The following GCNT2 variants were observed in gnomAD, a reference collection of about 807,000 sequenced individuals.
GCNT2 encodes glucosaminyl (N-acetyl) transferase 2 (I blood group).
Under a neutral mutation model 34.2 loss-of-function variants are expected in GCNT2, and 34 were observed. The observed-to-expected ratio is 1.00, with a 90% CI of 0.76 to 1.32. The LOEUF (loss-of-function observed/expected upper bound fraction) is 1.32. Ranked by LOEUF, GCNT2 falls within the 40% of genes most tolerant of loss-of-function variation. GCNT2 has a pLI of 0.00. For missense variants in GCNT2, 584 were observed against 489.4 expected, an observed-to-expected ratio of 1.19 and a Z score of -1.82; for synonymous variants, 212 against 188.0, an observed-to-expected ratio of 1.13 and a Z score of -1.04.
At chr6:10,563,266 AACTG>A (rs1763092153) in intron 3 of GCNT2, among the ~76,000 whole-genome samples, 2 of 152,244 alleles carry the variant, frequency 1.3e-5, no homozygotes. Context: ...GTACAATTTT[AACTG>A]ACCTAACCGT....
At chr6:10,569,974 CTCTT>C (rs1471226572) in intron 3 of GCNT2, among the ~76,000 whole-genome samples, 73 of 142,468 alleles carry the variant, frequency 5.1e-4, no homozygotes, top group South Asian at 2.0e-3. Context: ...CTTTCTTTCT[CTCTT>C]TCTTTCTTCC....
intron 3 of GCNT2, among the ~76,000 whole-genome samples, chr6:10,609,473 T>C (rs961772945): frequency 2.6e-5 from 4 of 152,222 alleles, no homozygotes; most frequent in Non-Finnish European, 5.9e-5. Context: ...TGGTCAGTTC[T>C]TAAGGTCCCA....
intron 3 of GCNT2, among the ~76,000 whole-genome samples, chr6:10,581,263 A>T (rs538396573): frequency 6.6e-6 from 1 of 152,098 alleles, no homozygotes; most frequent in East Asian, 1.9e-4. Flanking sequence ...GTATGTATTT[A>T]TTTATTTTTT....
At chr6:10,605,348 T>C (rs1765262535) in intron 3 of GCNT2, among the ~76,000 whole-genome samples, 1 of 149,042 alleles carries the variant, frequency 6.7e-6, no homozygotes. Context: ...CTCAAGTAGC[T>C]GGGACGCACA....
At chr6:10,533,173 G>A (rs1761580553) in intron 3 of GCNT2, among the ~76,000 whole-genome samples, 1 of 151,934 alleles carries the variant, frequency 6.6e-6, no homozygotes, top group African/African-American at 2.4e-5. Flanking sequence ...GGGTGTGGTG[G>A]CACGTGCCTG....
chr6:10,594,330 TA>T (rs1764760400), intron 3 of GCNT2, among the ~76,000 whole-genome samples: 2 of 152,144 alleles, frequency 1.3e-5, no homozygotes, highest in South Asian at 4.1e-4. Flanking sequence ...CCAGTAAAAA[TA>T]AAAACTAGTT....
At position 10,554,673 on chromosome 6, in the gene GCNT2, A is replaced by T. The variant is rs867761651; in HGVS notation, c.925+24837A>T. ...ATATTTAAAAGTATTATTCAGAAGA[A>T]GAAAAACTTAGGATTGAATTTTTCT... On this transcript the variant is annotated intron_variant, in intron 3 of 4. Transcript: ENST00000495262. 7.2e-5 allele frequency among the ~76,000 whole-genome samples: 11 copies of T among 152,368 alleles called. No individual in the cohort carries two copies. The Middle Eastern group carries it at 0.01, about 141-fold the overall frequency.
At chr6:10,573,627 T>C (rs1763652690) in intron 3 of GCNT2, among the ~76,000 whole-genome samples, 1 of 152,244 alleles carries the variant, frequency 6.6e-6, no homozygotes, top group Admixed American at 6.5e-5. Flanking sequence ...TTAGAAGCTT[T>C]CTCAGGGACC....
At chr6:10,617,086 G>A (rs1271048298) in intron 3 of GCNT2, among the ~76,000 whole-genome samples, 6 of 152,216 alleles carry the variant, frequency 3.9e-5, no homozygotes, top group African/African-American at 1.4e-4. Context: ...GCGGTCGATG[G>A]GACTGGGCAC....
chr6:10,537,544 T>C (rs111583897), intron 3 of GCNT2, among the ~76,000 whole-genome samples: 2,119 of 151,626 alleles, frequency 0.014, 45 homozygotes, highest in African/African-American at 0.048. Flanking sequence ...CTACTAAAAA[T>C]ACAAAAATTA....
intron 3 of GCNT2, among the ~76,000 whole-genome samples, chr6:10,569,235 C>CACACA (rs1554131675): frequency 2.1e-5 from 1 of 47,464 alleles, no homozygotes; most frequent in African/African-American, 5.6e-5. Flanking sequence ...ACTCCCCCCG[C>CACACA]CACACACACA....
At chr6:10,605,967 A>T (rs1016355935) in intron 3 of GCNT2, among the ~76,000 whole-genome samples, 2 of 152,130 alleles carry the variant, frequency 1.3e-5, no homozygotes, top group Non-Finnish European at 2.9e-5. Context: ...GGCTTGCCTC[A>T]GCTGCTTCAC....
At chr6:10,611,808 T>C (rs947261108) in intron 3 of GCNT2, among the ~76,000 whole-genome samples, 64 of 152,196 alleles carry the variant, frequency 4.2e-4, no homozygotes, top group African/African-American at 1.5e-3. Context: ...CAAATAAAGC[T>C]TAGATGTATA....
chr6:10,616,199 G>A (rs958375140), intron 3 of GCNT2, among the ~76,000 whole-genome samples: 1 of 152,156 alleles, frequency 6.6e-6, no homozygotes, highest in African/African-American at 2.4e-5. Flanking sequence ...ATCTTTCAAG[G>A]CGGTGCGTTT....
intron 3 of GCNT2, among the ~76,000 whole-genome samples, chr6:10,577,769 G>A (rs1273366345): frequency 6.6e-6 from 1 of 151,970 alleles, no homozygotes; most frequent in East Asian, 1.9e-4. Flanking sequence ...TTGAACTCCT[G>A]TCCTCTGGTG....
intron 1 of GCNT2, among the ~76,000 whole-genome samples, chr6:10,527,158 T>C (rs1037158485): frequency 6.6e-6 from 1 of 152,258 alleles, no homozygotes; most frequent in East Asian, 1.9e-4. Flanking sequence ...GTGCGGTGGC[T>C]CGCGCCTGTA....
intron 3 of GCNT2, among the ~76,000 whole-genome samples, chr6:10,547,454 A>C (rs904464077): frequency 6.6e-6 from 1 of 152,186 alleles, no homozygotes; most frequent in African/African-American, 2.4e-5. Context: ...TTGTCTTCCA[A>C]GATCTCATTT....
chr6:10,600,956 A>AATTTTTTGT (rs1765065387), intron 3 of GCNT2, among the ~76,000 whole-genome samples: 1 of 151,840 alleles, frequency 6.6e-6, no homozygotes, highest in Admixed American at 6.6e-5. Context: ...ACACCCAGCA[A>AATTTTTTGT]ATTTTTTGTA....
Position 10,608,227 on chromosome 6 carries a change from G to A in GCNT2, c.926-13124G>A, listed in dbSNP as rs146471228. Among the ~76,000 whole-genome samples, 1,142 of 152,030 alleles carry A rather than the reference G, an allele frequency of 7.5e-3. 15 individuals are homozygous for A. Among genetic ancestry groups the A allele is most frequent in the African/African-American group, 0.026 (1,059 of 41,462 alleles). The stretch of plus-strand genomic sequence containing the variant: ...TGAGTAGCTGGGATTACAGGCATGC[G>A]CCACTACGCCTGGCTAATTTTGTAT... On this transcript the variant is annotated intron_variant, in intron 3 of 4. Transcript: ENST00000495262.
Sources: gnomAD v4.1 joint callset for allele counts (sites outside exome capture counted in the v4.1 genomes callset) on GRCh38, gnomAD v4.1.1 for gene constraint, MANE v1.5 for transcripts, NCBI Gene and HGNC (gene_info 2026-07-23, HGNC 2026-07-21) for gene names.